Variants in POU6F2 observed in about 807,000 individuals in gnomAD.
The protein encoded by POU6F2 is POU domain, class 6, transcription factor 2.
A neutral mutation model predicts 71.3 loss-of-function variants in POU6F2; 31 were observed. That is an observed-to-expected ratio of 0.43 (90% CI 0.33 to 0.59). POU6F2 has a LOEUF of 0.59. Among genes scored for constraint, POU6F2 ranks in the 20% least tolerant of loss-of-function variants. The pLI is 0.04. For missense variants in POU6F2, 783 were observed against 856.8 expected (o/e 0.91, Z 1.07); for synonymous variants, 347 against 355.7 (o/e 0.98, Z 0.27).
intron 4 of POU6F2, among the ~76,000 whole-genome samples, chr7:39,309,472 C>T (rs1263062000): frequency 6.6e-6 from 1 of 152,198 alleles, no homozygotes; most frequent in African/African-American, 2.4e-5. Context: ...GGCAATGGCT[C>T]CTGGCTGGGA....
At chr7:39,454,449 C>A (rs1788736075) in intron 8 of POU6F2, among the ~76,000 whole-genome samples, 1 of 151,650 alleles carries the variant, frequency 6.6e-6, no homozygotes, top group Non-Finnish European at 1.5e-5. Context: ...TATCATGAAG[C>A]TATCCAGGAG....
chr7:39,324,609 T>C (rs1395242212), intron 4 of POU6F2, among the ~76,000 whole-genome samples: 1 of 152,188 alleles, frequency 6.6e-6, no homozygotes, highest in African/African-American at 2.4e-5. Flanking sequence ...TCCATTTCTA[T>C]TTGCCCCTTT....
chr7:39,418,903 G>A (rs1365992807), intron 6 of POU6F2, among the ~76,000 whole-genome samples: 5 of 108,454 alleles, frequency 4.6e-5, no homozygotes, highest in African/African-American at 1.8e-4. Flanking sequence ...TCATGTGTGT[G>A]TGTGTGTATA....
At chr7:39,245,562 C>T (rs1447974239) in intron 4 of POU6F2, among the ~76,000 whole-genome samples, 1 of 152,192 alleles carries the variant, frequency 6.6e-6, no homozygotes, top group East Asian at 1.9e-4. Context: ...TAAGAAGAGG[C>T]TCCTGTCTGC....
chr7:39,327,222 G>T (rs181389336), intron 4 of POU6F2, among the ~76,000 whole-genome samples: 30 of 151,380 alleles, frequency 2.0e-4, no homozygotes, highest in Admixed American at 9.2e-4. Flanking sequence ...GAGCTTGCAG[G>T]GAGCTGAGAT....
chr7:39,037,840 C>G (rs947845260), intron 1 of POU6F2, among the ~76,000 whole-genome samples: 2 of 152,000 alleles, frequency 1.3e-5, no homozygotes, highest in African/African-American at 4.8e-5. Flanking sequence ...GTTAGGATAC[C>G]TTTCTAGTTT....
At chr7:39,277,220 A>G (rs1784458916) in intron 4 of POU6F2, among the ~76,000 whole-genome samples, 1 of 152,196 alleles carries the variant, frequency 6.6e-6, no homozygotes, top group Non-Finnish European at 1.5e-5. Context: ...TAATAAATCA[A>G]TATAATCAGA....
intron 4 of POU6F2, among the ~76,000 whole-genome samples, chr7:39,260,300 G>C (rs1784108375): frequency 7.2e-6 from 1 of 138,702 alleles, no homozygotes; most frequent in Non-Finnish European, 1.5e-5. Context: ...TCCATACCAT[G>C]TTCACACCAC....
In POU6F2 at chr7:39,099,938, A is replaced by G. The variant is rs545541978; in HGVS notation, c.277+13907A>G. Reference sequence around the variant, plus strand: ...CTCTTTTCTCAACGTAGCTTTCTCCATGAAAGCCAAAACTCAAGCTAGATG... The same window carrying G: ...CTCTTTTCTCAACGTAGCTTTCTCCGTGAAAGCCAAAACTCAAGCTAGATG... On this transcript the variant is annotated intron_variant, in intron 2 of 9. Coordinates refer to ENST00000518318, the MANE Select transcript of POU6F2 (RefSeq NM_001370959.1). Among the ~76,000 whole-genome samples the G allele has an allele frequency of 5.2e-4, 79 of 152,288 alleles. 1 individual carries two copies. The highest frequency in any genetic ancestry group is 3.4e-3 in the Middle Eastern group (1 of 294).
rs145212981 is a variant in POU6F2 at position 39,181,460 on chromosome 7, A to G, written c.278-22775A>G. Among the ~76,000 whole-genome samples the G allele has an allele frequency of 3.9e-4, 59 of 152,322 alleles. No homozygotes were observed. The East Asian group carries it at 0.011, about 27-fold the overall frequency. On this transcript the variant is annotated intron_variant, in intron 2 of 9. Coordinates refer to ENST00000518318, the MANE Select transcript of POU6F2 (RefSeq NM_001370959.1). ...TTATTCTGCATCATCTCTCAGTGCT[A>G]TCTTTGTTCCTACCATATCTATTCT...
chr7:39,355,394 T>G (rs1382522971), intron 5 of POU6F2, among the ~76,000 whole-genome samples: 1 of 152,182 alleles, frequency 6.6e-6, no homozygotes, highest in African/African-American at 2.4e-5. Flanking sequence ...TGTTGAGAGA[T>G]AGATCTAATT....
Position 38,998,303 on chromosome 7 carries a change from A to G in POU6F2, c.105+20245A>G, listed in dbSNP as rs560701790. Among the ~76,000 whole-genome samples, 8 of 152,268 alleles carry G rather than the reference A, an allele frequency of 5.3e-5. 1 individual carries two copies. In the South Asian group the frequency reaches 8.3e-4, roughly 16 times the overall value. On this transcript the variant is annotated intron_variant, in intron 1 of 9. Coordinates refer to ENST00000518318, the MANE Select transcript of POU6F2 (RefSeq NM_001370959.1). Reference sequence around the variant, plus strand: ...GGGGTGGTGGAGGGAATCTTCTCCCATGTTCTCTATCAGGTACATTCTAGT... The same window carrying G: ...GGGGTGGTGGAGGGAATCTTCTCCCGTGTTCTCTATCAGGTACATTCTAGT...
intron 1 of POU6F2, among the ~76,000 whole-genome samples, chr7:39,073,643 C>T (rs1022727360): frequency 9.9e-5 from 15 of 152,206 alleles, no homozygotes; most frequent in African/African-American, 3.1e-4. Context: ...TGGCGCTGGG[C>T]GCAGCCGTGT....
chr7:39,034,521 A>G (rs1036065528), intron 1 of POU6F2: 11 of 421,946 alleles, frequency 2.6e-5, no homozygotes, highest in African/African-American at 2.0e-4. Flanking sequence ...TGATATAATA[A>G]TGCACATAAA....
chr7:39,187,849 T>C (rs1034933522), intron 2 of POU6F2, among the ~76,000 whole-genome samples: 1 of 152,216 alleles, frequency 6.6e-6, no homozygotes, highest in Non-Finnish European at 1.5e-5. Context: ...TGAAACCCCC[T>C]TGTCCTCTGG....
chr7:39,204,763 T>C (rs200761505), intron 3 of POU6F2, among the ~76,000 whole-genome samples: 2 of 152,164 alleles, frequency 1.3e-5, no homozygotes, highest in Non-Finnish European at 2.9e-5. Flanking sequence ...GCTTATTGGG[T>C]TTGACAATAC....
intron 2 of POU6F2, among the ~76,000 whole-genome samples, chr7:39,200,399 A>G (rs7787601): frequency 6.6e-6 from 1 of 152,044 alleles, no homozygotes; most frequent in Non-Finnish European, 1.5e-5. Flanking sequence ...AAGCCATGGT[A>G]TATGTAAAAA....
intron 1 of POU6F2, among the ~76,000 whole-genome samples, chr7:39,033,953 TA>T: frequency 6.6e-6 from 1 of 152,320 alleles, no homozygotes; most frequent in Non-Finnish European, 1.5e-5. Flanking sequence ...TAAGGTAAGA[TA>T]AAAGTTGCTG....
chr7:39,448,941 T>G (rs948328612), intron 7 of POU6F2, among the ~76,000 whole-genome samples: 1 of 152,246 alleles, frequency 6.6e-6, no homozygotes, highest in Non-Finnish European at 1.5e-5. Context: ...ATCTTTAATA[T>G]GTGTCCCTAC....
Sources: allele counts gnomAD v4.1 joint callset (sites outside exome capture counted in the v4.1 genomes callset), GRCh38; gene constraint gnomAD v4.1.1; transcripts MANE v1.5; gene names NCBI Gene and HGNC (gene_info 2026-07-23, HGNC 2026-07-21).